HMCN2: variants seen among roughly 807,000 people sequenced by gnomAD.
HMCN2 encodes the protein hemicentin 2.
In HMCN2, 325 loss-of-function variants were observed where a neutral mutation model predicts 377.5. That is an observed-to-expected ratio of 0.86 (90% CI 0.79 to 0.94). The LOEUF is 0.94. Ranked by LOEUF, HMCN2 falls within the 40% of genes least tolerant of loss-of-function variation. HMCN2 has a pLI of 0.00. For missense variants in HMCN2, 4,543 were observed against 4,725.3 expected (o/e 0.96, Z 1.13); for synonymous variants, 2,007 against 2,046.8 (o/e 0.98, Z 0.53).
At chr9:130,313,367 C>T (rs1404731346) in intron 15 of HMCN2, among the ~76,000 whole-genome samples, 2 of 146,172 alleles carry the variant, frequency 1.4e-5, no homozygotes, top group African/African-American at 4.9e-5. Context: ...GTGGACCAGC[C>T]TGCGAGGCAC....
Position 130,368,548 on chromosome 9 carries a change from T to C in HMCN2, c.6787+111T>C, listed in dbSNP as rs888360697. ...GAAGTGATGGTGTGTGGTGCAGGCT[T>C]TCTCCTCCCTCACGTTCCTGGTGTG... On this transcript the variant is annotated intron_variant, in intron 44 of 97. Coordinates refer to ENST00000683500, the MANE Select transcript of HMCN2 (RefSeq NM_001291815.2). 6.0e-5 allele frequency: 30 copies of C among 502,334 alleles called. No homozygotes were observed. In the African/African-American group the frequency reaches 6.0e-4, roughly 10 times the overall value. 31.1% of individuals were successfully genotyped at this position (502,334 alleles called of 1,614,324 possible).
rs1844081905 is a variant in HMCN2, at chr9:130,422,584, C to T, written c.13239C>T (p.Pro4413=). 7.6e-7 allele frequency: 1 copy of T among 1,316,926 alleles called. No individual in the cohort carries two copies. The highest frequency in any genetic ancestry group is 1.5e-5 in the African/African-American group (1 of 65,148). The allele number at this position is 1,316,926 out of a possible 1,614,324, so 81.6% of individuals were successfully genotyped here. A position where few individuals can be genotyped will look rare whatever the true frequency, so the allele number is the denominator to read the frequency against. The stretch of plus-strand genomic sequence containing the variant: ...TCTTTCCCTTCCTTACAGGGGAGCC[C>T]CAGGGGAGCTGGGGCAGCATGACTG... ...ARAFLVVRGE[P]QGSWGSMTGV... is the part of the protein sequence containing the mutation. Residue 4413 remains proline, a synonymous_variant, in exon 87 of 98, where the codon CCC becomes CCT. Transcript: ENST00000683500. The surrounding 1 kb of genome is among the most constrained non-coding windows in gnomAD (Gnocchi z 4.2).
chr9:130,295,105 C>A (rs782603698), intron 5 of HMCN2, 79 bp downstream of exon 5: 34 of 332,164 alleles, frequency 1.0e-4, no homozygotes, highest in Non-Finnish European at 1.6e-4. Flanking sequence ...AAGAAAGAGA[C>A]CAAGGGTGAC....
intron 4 of HMCN2, among the ~76,000 whole-genome samples, chr9:130,288,747 T>TA (rs1564750253): frequency 1.3e-5 from 2 of 152,206 alleles, no homozygotes; most frequent in Admixed American, 6.5e-5. Flanking sequence ...AGCTAGGGCT[T>TA]ACTGCTTTGG....
rs1839703340 is a variant in HMCN2, at chr9:130,351,342, A to AAGCCAC, written c.4431-79_4431-74dup. On this transcript the variant is annotated intron_variant, in intron 29 of 97. Coordinates refer to ENST00000683500, the MANE Select transcript of HMCN2 (RefSeq NM_001291815.2). This position sits in a 1 kb window ranked among gnomAD's most constrained non-coding sequence, Gnocchi z 5.4. ...TGAATGGCCCAGCCTCGCTTTTTAC[A>AAGCCAC]AGCCACACACTCCCTGTGTGCAGCG... The AAGCCAC allele has an allele frequency of 1.8e-6, 2 of 1,122,992 alleles. No homozygotes were observed. The highest frequency in any genetic ancestry group is 1.2e-6 in the Non-Finnish European group (1 of 866,348). 69.6% of individuals were successfully genotyped at this position (1,122,992 alleles called of 1,614,324 possible).
chr9:130,402,965 T>C (rs1020161002), intron 78 of HMCN2, 69 bp downstream of exon 78: 3 of 1,201,886 alleles, frequency 2.5e-6, no homozygotes, highest in Non-Finnish European at 3.3e-6. Flanking sequence ...CAGAGGCAGG[T>C]GGGGCTCAGG....
chr9:130,334,863 C>G (rs1004716294), intron 22 of HMCN2, among the ~76,000 whole-genome samples: 4 of 131,816 alleles, frequency 3.0e-5, no homozygotes, highest in Admixed American at 8.1e-5. Flanking sequence ...CTTTATTTTT[C>G]TTCACAGAGT....
At chr9:130,328,861 G>A (rs1381374007) in intron 22 of HMCN2, among the ~76,000 whole-genome samples, 15 of 152,138 alleles carry the variant, frequency 9.9e-5, no homozygotes, top group African/African-American at 3.1e-4. Flanking sequence ...CTGAAAACTC[G>A]CTCCCTTTCG....
rs1400468005 is a variant in HMCN2, at chr9:130,346,155, C to T, written c.3830-1011C>T. ...GACCCCACAGGCTCCCCTGAGTCAGCGCTGGCGGAGGTCAGGGGGCAGGTG... is the reference window on the plus strand; with the variant it reads ...GACCCCACAGGCTCCCCTGAGTCAGTGCTGGCGGAGGTCAGGGGGCAGGTG... On this transcript the variant is annotated intron_variant, in intron 25 of 97. Transcript: ENST00000683500. 2.0e-4 allele frequency among the ~76,000 whole-genome samples: 31 copies of T among 152,174 alleles called. No individual in the cohort carries two copies. In the South Asian group the frequency reaches 2.1e-3, roughly 10 times the overall value.
intron 7 of HMCN2, 39 bp from the exon 8 acceptor site, chr9:130,298,986 A>G (rs1554933122): frequency 6.7e-6 from 3 of 446,072 alleles, no homozygotes; most frequent in African/African-American, 2.0e-5. Context: ...AGAGGCAGAC[A>G]CTGACGCCAG....
chr9:130,430,892 C>G (rs1329271029), intron 95 of HMCN2: 4 of 481,088 alleles, frequency 8.3e-6, no homozygotes, highest in Non-Finnish European at 1.5e-5. Flanking sequence ...CTGGGAACCC[C>G]CTTTGAGAAA....
In HMCN2 at chr9:130,321,910, G is replaced by C. The variant is rs1837873295; in HGVS notation, c.2899G>C (p.Asp967His). The C allele has an allele frequency of 6.6e-6, 1 of 152,032 alleles. No individual in the cohort carries two copies. Among genetic ancestry groups the C allele is most frequent in the African/African-American group, 2.4e-5 (1 of 41,368 alleles). 9.4% of individuals were successfully genotyped at this position (152,032 alleles called of 1,614,324 possible). A position where few individuals can be genotyped will look rare whatever the true frequency, so the allele number is the denominator to read the frequency against. ...CAACACGGCCGGCTCTCAGCACCGG[G>C]ACGTGGAGCTGGTGGTCCAGGGTGA... ...ATNTAGSQHRDVELVVQVPPR... is the reference protein window; with the variant it reads ...ATNTAGSQHRHVELVVQVPPR... The change falls in exon 19 of 98, where the codon GAC (aspartate) becomes CAC (histidine). Residue 967 changes from aspartate to histidine, a missense_variant. Around this residue, in one of 5 missense-constraint regions of HMCN2, gnomAD observed 547 missense variants for 189.9 expected, o/e 2.88. Coordinates refer to ENST00000683500, the MANE Select transcript of HMCN2 (RefSeq NM_001291815.2).
rs1239332494 is a variant in HMCN2 at position 130,299,261 on chromosome 9, G to A, written c.1249G>A (p.Gly417Arg). 3 of 470,352 alleles carry A rather than the reference G, an allele frequency of 6.4e-6. 1 individual carries two copies. The highest frequency in any genetic ancestry group is 3.1e-5 in the South Asian group (2 of 64,458). 29.1% of individuals were successfully genotyped at this position (470,352 alleles called of 1,614,324 possible). The change falls in exon 8 of 98, where the codon GGA becomes AGA. Residue 417 changes from glycine to arginine, a missense_variant. Physicochemically the swap from Gly to Arg is moderately radical, Grantham distance 125 (BLOSUM62 -2). Transcript: ENST00000683500. ...GGGAAACCCCCTCCTTCGTGTCTCTGGAGTGTCCTACAGTGGGGTGGCCCC... is the reference window on the plus strand; with the variant it reads ...GGGAAACCCCCTCCTTCGTGTCTCTAGAGTGTCCTACAGTGGGGTGGCCCC... ...HEGNPLLRVSGVSYSGVAPGA... is the reference protein window; with the variant it reads ...HEGNPLLRVSRVSYSGVAPGA...
chr9:130,309,197 G>A (rs1012855048), intron 14 of HMCN2, among the ~76,000 whole-genome samples: 1 of 152,278 alleles, frequency 6.6e-6, no homozygotes, highest in Admixed American at 6.5e-5. Flanking sequence ...CCTCAGGGGC[G>A]GAGAGAAGTC....
intron 22 of HMCN2, among the ~76,000 whole-genome samples, chr9:130,336,165 A>G (rs1838738192): frequency 2.0e-5 from 3 of 152,180 alleles, no homozygotes; most frequent in Non-Finnish European, 4.4e-5. Context: ...GAAGAGATAA[A>G]GATCTGAATG....
intron 76 of HMCN2, among the ~76,000 whole-genome samples, chr9:130,400,036 T>C (rs1157401259): frequency 6.6e-6 from 1 of 152,224 alleles, no homozygotes; most frequent in Non-Finnish European, 1.5e-5. Context: ...CAGGGTCTAA[T>C]CAAGCTGCTC....
chr9:130,334,817 C>T (rs1298888782), intron 22 of HMCN2, among the ~76,000 whole-genome samples: 3 of 143,676 alleles, frequency 2.1e-5, no homozygotes, highest in Non-Finnish European at 4.6e-5. Context: ...TCTCTCTCTC[C>T]TCTCTCTCTC....
At chr9:130,288,456 C>T (rs782016936) in intron 4 of HMCN2, among the ~76,000 whole-genome samples, 9 of 152,334 alleles carry the variant, frequency 5.9e-5, no homozygotes, top group African/African-American at 1.2e-4. Context: ...CCCAGACATT[C>T]GGCAAGCCTG....
Position 130,285,731 on chromosome 9 carries a change from G to A in HMCN2, c.489+415G>A, listed in dbSNP as rs1835381056. The stretch of plus-strand genomic sequence containing the variant: ...CCTTGCTTCTGGCTTTTGCAGTGAG[G>A]GCTGGGAGAGGGGACCTGATCAAGG... On this transcript the variant is annotated intron_variant, in intron 3 of 97. Transcript: ENST00000683500. 2.0e-5 allele frequency among the ~76,000 whole-genome samples: 3 copies of A among 152,186 alleles called. No individual in the cohort carries two copies. In the South Asian group the frequency reaches 6.2e-4, roughly 32 times the overall value.
Sources: allele counts gnomAD v4.1 joint callset (sites outside exome capture counted in the v4.1 genomes callset), GRCh38; gene constraint gnomAD v4.1.1; regional missense constraint gnomAD v4.1.1; non-coding constraint Gnocchi (gnomAD v3.1); transcripts MANE v1.5; gene names NCBI Gene and HGNC (gene_info 2026-07-23, HGNC 2026-07-21).